CAMTA1: variants seen among roughly 807,000 people sequenced by gnomAD.
CAMTA1 encodes the protein calmodulin binding transcription activator 1.
Under a neutral mutation model 170.9 loss-of-function variants are expected in CAMTA1, and 27 were observed. That is an observed-to-expected ratio of 0.16 (90% CI 0.12 to 0.22). The LOEUF is 0.22. Ranked by LOEUF, CAMTA1 falls within the 10% of genes least tolerant of loss-of-function variation. CAMTA1 has a pLI of 1.00. For missense variants in CAMTA1, 1,619 were observed against 2,217.2 expected, an observed-to-expected ratio of 0.73 and a Z score of 5.42; for synonymous variants, 833 against 891.5, an observed-to-expected ratio of 0.93 and a Z score of 1.17.
intron 1 of CAMTA1, among the ~76,000 whole-genome samples, chr1:6,791,502 T>G (rs984283674): frequency 2.6e-5 from 4 of 152,224 alleles, no homozygotes; most frequent in East Asian, 1.9e-4. Context: ...TTAGCCAGCT[T>G]CTTTCTGTCT....
intron 11 of CAMTA1, among the ~76,000 whole-genome samples, chr1:7,708,676 C>A (rs1215815070): frequency 1.3e-5 from 2 of 152,150 alleles, no homozygotes; most frequent in Non-Finnish European, 2.9e-5. Flanking sequence ...TAGCTTTAGA[C>A]ATGATGTGGA....
At chr1:6,834,788 C>G (rs1044084683) in intron 3 of CAMTA1, among the ~76,000 whole-genome samples, 2 of 152,106 alleles carry the variant, frequency 1.3e-5, no homozygotes, top group Non-Finnish European at 2.9e-5. Context: ...TAGGCGTGTG[C>G]CACGCCCAGC....
chr1:7,601,035 C>G (rs887272100), intron 6 of CAMTA1, among the ~76,000 whole-genome samples: 2 of 152,182 alleles, frequency 1.3e-5, no homozygotes, highest in Non-Finnish European at 2.9e-5. Context: ...GGCAGAGGGG[C>G]TCCTCACTTC....
In CAMTA1 at chr1:7,561,069, C is replaced by T. The variant is rs146941918; in HGVS notation, c.511-79331C>T. On this transcript the variant is annotated intron_variant, in intron 6 of 22. Coordinates refer to ENST00000303635, the MANE Select transcript of CAMTA1 (RefSeq NM_015215.4). The surrounding 1 kb of genome is among the most constrained non-coding windows in gnomAD (Gnocchi z 5.3). ...GCTCAGGGGGTGACGCTGGGCTGGG[C>T]GCTTCCCATGAGGCAGGATCCTCAT... is the stretch of plus-strand genomic sequence containing the variant. 2.6e-5 allele frequency among the ~76,000 whole-genome samples: 4 copies of T among 152,256 alleles called. No individual in the cohort carries two copies. The highest frequency in any genetic ancestry group is 9.6e-5 in the African/African-American group (4 of 41,554).
intron 3 of CAMTA1, among the ~76,000 whole-genome samples, chr1:6,901,148 T>C (rs1478596542): frequency 6.6e-6 from 1 of 152,228 alleles, no homozygotes; most frequent in Non-Finnish European, 1.5e-5. Context: ...GGAGAAAGGA[T>C]AGTCTTTTCA....
intron 11 of CAMTA1, among the ~76,000 whole-genome samples, chr1:7,728,620 C>T (rs957965985): frequency 1.3e-5 from 2 of 152,188 alleles, no homozygotes; most frequent in Admixed American, 6.5e-5. Context: ...ATAACGATCT[C>T]CAAGTAGGTT....
intron 3 of CAMTA1, among the ~76,000 whole-genome samples, chr1:6,881,472 T>G (rs1052864018): frequency 5.9e-5 from 9 of 151,940 alleles, no homozygotes; most frequent in Non-Finnish European, 1.3e-4. Context: ...CAGAGATAGA[T>G]TTGGCAATGG....
At chr1:7,557,106 G>A (rs146607111) in intron 6 of CAMTA1, among the ~76,000 whole-genome samples, 5 of 151,956 alleles carry the variant, frequency 3.3e-5, no homozygotes, top group South Asian at 4.2e-4. Context: ...TCAGGAGTTC[G>A]AGACCAGCCT....
intron 5 of CAMTA1, among the ~76,000 whole-genome samples, chr1:7,309,199 G>A (rs749273013): frequency 6.7e-6 from 1 of 149,804 alleles, no homozygotes; most frequent in Non-Finnish European, 1.5e-5. Context: ...TATCTGAAAT[G>A]CATTTTTTGG....
chr1:6,881,902 G>A (rs1201819486), intron 3 of CAMTA1, among the ~76,000 whole-genome samples: 3 of 152,144 alleles, frequency 2.0e-5, no homozygotes, highest in Non-Finnish European at 2.9e-5. Context: ...GGGAGGCAGA[G>A]GTTGCAGTGA....
intron 3 of CAMTA1, among the ~76,000 whole-genome samples, chr1:6,866,552 T>C (rs930587788): frequency 6.6e-6 from 1 of 152,164 alleles, no homozygotes; most frequent in East Asian, 1.9e-4. Context: ...TTATGATCAT[T>C]TTTCCCTAGT....
At chr1:6,836,813 A>T (rs558350608) in intron 3 of CAMTA1, among the ~76,000 whole-genome samples, 2 of 152,332 alleles carry the variant, frequency 1.3e-5, no homozygotes, top group South Asian at 4.1e-4. Flanking sequence ...GGCCACCTCT[A>T]GTCTATAGTC....
chr1:7,580,738 C>T lies in CAMTA1; in HGVS notation c.511-59662C>T, dbSNP rs372314495. 1.6e-4 allele frequency among the ~76,000 whole-genome samples: 24 copies of T among 152,126 alleles called. No homozygotes were observed. In the East Asian group the frequency reaches 3.5e-3, roughly 22 times the overall value. On this transcript the variant is annotated intron_variant, in intron 6 of 22. Transcript: ENST00000303635. This position sits in a 1 kb window ranked among gnomAD's most constrained non-coding sequence, Gnocchi z 4.3. ...TGGTCTTCCTGGATGGGCTGCCGGT[C>T]GGAGGGAACTTGGCATTTGACTCTG...
rs937633237 is a variant in CAMTA1, at chr1:7,570,366, G to C, written c.511-70034G>C. On this transcript the variant is annotated intron_variant, in intron 6 of 22. Coordinates refer to ENST00000303635, the MANE Select transcript of CAMTA1 (RefSeq NM_015215.4). The surrounding 1 kb of genome is among the most constrained non-coding windows in gnomAD (Gnocchi z 4.3). ...TGGGGCCCTTTCAGAGAGGGCCGGA[G>C]AACTTATTGCTTAAGCTGGAAGGGT... Among the ~76,000 whole-genome samples, 1 of 152,192 alleles carries C rather than the reference G, an allele frequency of 6.6e-6. No individual in the cohort carries two copies. Among genetic ancestry groups the C allele is most frequent in the African/African-American group, 2.4e-5 (1 of 41,450 alleles).
At chr1:7,084,803 G>A (rs1262054997) in intron 3 of CAMTA1, among the ~76,000 whole-genome samples, 1 of 152,222 alleles carries the variant, frequency 6.6e-6, no homozygotes, top group Non-Finnish European at 1.5e-5. Flanking sequence ...CAGCTAGAGG[G>A]GCTGGCTGTC....
intron 3 of CAMTA1, among the ~76,000 whole-genome samples, chr1:7,057,708 T>C (rs2101697671): frequency 6.6e-6 from 1 of 152,340 alleles, no homozygotes; most frequent in Middle Eastern, 3.4e-3. Context: ...AGACAGTTAG[T>C]CCTGACAACA....
At chr1:7,097,175 A>G (rs546670019) in intron 4 of CAMTA1, among the ~76,000 whole-genome samples, 3 of 152,122 alleles carry the variant, frequency 2.0e-5, no homozygotes, top group Admixed American at 6.5e-5. Context: ...TTGTTTGCCA[A>G]TTCAGCTGTC....
chr1:7,453,636 G>A (rs558817698), intron 5 of CAMTA1, among the ~76,000 whole-genome samples: 1 of 152,392 alleles, frequency 6.6e-6, no homozygotes, highest in South Asian at 2.1e-4. Context: ...CATGTGGGCA[G>A]ATGGCACAAA....
intron 6 of CAMTA1, among the ~76,000 whole-genome samples, chr1:7,470,473 A>G (rs960764731): frequency 3.3e-5 from 5 of 152,198 alleles, no homozygotes; most frequent in African/African-American, 1.2e-4. Flanking sequence ...AATTACCAAG[A>G]AAAAGGATTA....
Sources: gnomAD v4.1 joint callset for allele counts (sites outside exome capture counted in the v4.1 genomes callset) on GRCh38, gnomAD v4.1.1 for gene constraint, Gnocchi (gnomAD v3.1) non-coding constraint, MANE v1.5 for transcripts, NCBI Gene and HGNC (gene_info 2026-07-23, HGNC 2026-07-21) for gene names.